Variants in ENAH observed in about 807,000 individuals in gnomAD.
ENAH encodes ENAH actin regulator.
A neutral mutation model predicts 78.7 loss-of-function variants in ENAH; 23 were observed. That is an observed-to-expected ratio of 0.29 (90% CI 0.21 to 0.41). The LOEUF is 0.41. Among genes scored for constraint, ENAH ranks in the 10% least tolerant of loss-of-function variants. The pLI, the probability that ENAH is intolerant of heterozygous loss-of-function variation, is 1.00. For missense variants in ENAH, 544 were observed against 691.0 expected (o/e 0.79, Z 2.39); for synonymous variants, 226 against 241.0 (o/e 0.94, Z 0.58).
chr1:225,653,004 C>T lies in ENAH; in HGVS notation c.-314G>A. On this transcript the variant is annotated 5_prime_UTR_variant, in exon 1 of 14. Transcript: ENST00000366843. The surrounding 1 kb of genome is among the most constrained non-coding windows in gnomAD (Gnocchi z 4.3). ...CCTCCTCCCGGAGCTTCCTCGGCCG[C>T]CCTCTGAGGGGTGCCCGCCGGGGCC... 1 of 257,676 alleles carries T rather than the reference C, an allele frequency of 3.9e-6. No individual in the cohort carries two copies. Among genetic ancestry groups the T allele is most frequent in the Non-Finnish European group, 7.3e-6 (1 of 136,258 alleles). The allele number at this position is 257,676 out of a possible 1,614,324, so 16.0% of individuals were successfully genotyped here. A position where few individuals can be genotyped will look rare whatever the true frequency, so the allele number is the denominator to read the frequency against.
chr1:225,498,215 C>T (rs563326889), intron 13 of ENAH, 132 bp downstream of exon 13: 77 of 700,524 alleles, frequency 1.1e-4, no homozygotes, highest in Admixed American at 7.2e-4. Flanking sequence ...AAACCCTAAT[C>T]CTAAAAGGGC....
intron 1 of ENAH, among the ~76,000 whole-genome samples, chr1:225,649,620 C>T (rs1000367760): frequency 6.6e-6 from 1 of 152,184 alleles, no homozygotes; most frequent in East Asian, 1.9e-4. Context: ...AACCTTTCCA[C>T]TGTCCTGTAT....
At chr1:225,622,385 A>G (rs1657143451) in intron 1 of ENAH, among the ~76,000 whole-genome samples, 1 of 152,174 alleles carries the variant, frequency 6.6e-6, no homozygotes, top group African/African-American at 2.4e-5. Context: ...CGCAGGAGTT[A>G]GAGACCAGAC....
intron 1 of ENAH, among the ~76,000 whole-genome samples, chr1:225,583,460 G>C (rs1320551962): frequency 6.8e-6 from 1 of 146,854 alleles, no homozygotes; most frequent in African/African-American, 2.5e-5. Context: ...AAAAGAGAGA[G>C]AGAATTATTC....
chr1:225,488,369 A>T lies in ENAH; in HGVS notation c.*9406T>A, dbSNP rs747730425. ...GAGGCTGAGCAACAGAAAGCTTCCA[A>T]TGAGAACTCAGAAGGCATTCACTCT... On this transcript the variant is annotated 3_prime_UTR_variant, in exon 14 of 14. Transcript: ENST00000366843. The T allele has an allele frequency of 1.9e-4, 29 of 152,148 alleles. No individual in the cohort carries two copies. The highest frequency in any genetic ancestry group is 6.3e-4 in the African/African-American group (26 of 41,420). The allele number at this position is 152,148 out of a possible 1,614,324, so 9.4% of individuals were successfully genotyped here.
rs541375451 is a variant in ENAH at position 225,648,707 on chromosome 1, T to C, written c.5+3979A>G. Among the ~76,000 whole-genome samples the C allele has an allele frequency of 5.9e-5, 9 of 151,612 alleles. No individual in the cohort carries two copies. In the South Asian group the frequency reaches 1.9e-3, roughly 32 times the overall value. On this transcript the variant is annotated intron_variant, in intron 1 of 13. Transcript: ENST00000366843. The stretch of plus-strand genomic sequence containing the variant: ...ACTACTATTTGTATCCTTTCATGGA[T>C]ATCTCACTTGACACTTCACAAAACA...
At chr1:225,505,202 GAT>G in intron 11 of ENAH, 1 of 524,206 alleles carries the variant, frequency 1.9e-6, no homozygotes, top group Non-Finnish European at 3.3e-6. Context: ...CCCAATAAAA[GAT>G]ATTTTAAGAT....
chr1:225,589,651 ATT>A (rs1238645564), intron 1 of ENAH, among the ~76,000 whole-genome samples: 2 of 152,278 alleles, frequency 1.3e-5, no homozygotes, highest in Admixed American at 6.5e-5. Context: ...TTATTGTTGC[ATT>A]GTTTTTTAAT....
At chr1:225,601,297 G>C (rs2096929372) in intron 1 of ENAH, among the ~76,000 whole-genome samples, 2 of 152,142 alleles carry the variant, frequency 1.3e-5, no homozygotes, top group African/African-American at 2.4e-5. Context: ...GAGGTGGGCG[G>C]ATCACGATGT....
chr1:225,487,299 G>A lies in ENAH; in HGVS notation c.*10476C>T, dbSNP rs916895166. 1 of 152,174 alleles carries A rather than the reference G, an allele frequency of 6.6e-6. No individual in the cohort carries two copies. The highest frequency in any genetic ancestry group is 1.5e-5 in the Non-Finnish European group (1 of 68,034). The allele number at this position is 152,174 out of a possible 1,614,324, so 9.4% of individuals were successfully genotyped here. Reference sequence around the variant, plus strand: ...TGAAACTTTGGTCCAAAAATCAGGTGCAGTCTGATCCTACCCTCCCAGCTG... The same window carrying A: ...TGAAACTTTGGTCCAAAAATCAGGTACAGTCTGATCCTACCCTCCCAGCTG... On this transcript the variant is annotated 3_prime_UTR_variant, in exon 14 of 14. Transcript: ENST00000366843.
chr1:225,534,616 A>G (rs758462024), intron 3 of ENAH, among the ~76,000 whole-genome samples: 1 of 152,120 alleles, frequency 6.6e-6, no homozygotes, highest in Admixed American at 6.6e-5. Context: ...GCAATACTGT[A>G]TATCATTTAA....
intron 1 of ENAH, among the ~76,000 whole-genome samples, chr1:225,646,493 G>C (rs1039265633): frequency 2.6e-5 from 4 of 152,108 alleles, no homozygotes; most frequent in Non-Finnish European, 5.9e-5. Context: ...CTGGCAACCT[G>C]ATCTCTGACT....
At chr1:225,574,103 T>C (rs1295147660) in intron 1 of ENAH, among the ~76,000 whole-genome samples, 3 of 152,326 alleles carry the variant, frequency 2.0e-5, no homozygotes. Context: ...ACTAAAAACT[T>C]TGGAATTTTA....
At chr1:225,532,070 G>A (rs1212858635) in intron 3 of ENAH, among the ~76,000 whole-genome samples, 2 of 151,888 alleles carry the variant, frequency 1.3e-5, no homozygotes, top group African/African-American at 2.4e-5. Context: ...AAATACACAC[G>A]TAAATGTTTG....
chr1:225,590,082 A>AACACACACACAC lies in ENAH; in HGVS notation c.6-22680_6-22669dup, dbSNP rs3050220. On this transcript the variant is annotated intron_variant, in intron 1 of 13. Coordinates refer to ENST00000366843, the MANE Select transcript of ENAH (RefSeq NM_018212.6). ...GACTAATTGCCTCCCCTCATCACTC[A>AACACACACACAC]ACACACACACACACACACACACACA... Among the ~76,000 whole-genome samples, 423 of 131,482 alleles carry AACACACACACAC rather than the reference A, an allele frequency of 3.2e-3. 1 individual carries two copies. The highest frequency in any genetic ancestry group is 4.1e-3 in the Non-Finnish European group (255 of 61,468). The allele number at this position is 131,482 out of a possible 152,430, so 86.3% of individuals were successfully genotyped here.
At chr1:225,583,050 A>G (rs1216648238) in intron 1 of ENAH, among the ~76,000 whole-genome samples, 1 of 152,202 alleles carries the variant, frequency 6.6e-6, no homozygotes, top group Admixed American at 6.5e-5. Flanking sequence ...CAATAAAACA[A>G]CATCTTTAAA....
chr1:225,512,720 A>G lies in ENAH; in HGVS notation c.1365-6T>C. On this transcript the variant is annotated splice_region_variant and splice_polypyrimidine_tract_variant and intron_variant, in intron 8 of 13. Coordinates refer to ENST00000366843, the MANE Select transcript of ENAH (RefSeq NM_018212.6). Reference sequence around the variant, plus strand: ...CCTTTTCAGCAATTCTTCTCCTACAAAGAAGGCAAATCCGATTTTTAAAAA... The same window carrying G: ...CCTTTTCAGCAATTCTTCTCCTACAGAGAAGGCAAATCCGATTTTTAAAAA... 1 of 1,613,216 alleles carries G rather than the reference A, an allele frequency of 6.2e-7. No individual in the cohort carries two copies. Among genetic ancestry groups the G allele is most frequent in the South Asian group, 1.1e-5 (1 of 90,796 alleles).
chr1:225,614,791 AAC>A (rs1414659870), intron 1 of ENAH, among the ~76,000 whole-genome samples: 1 of 152,224 alleles, frequency 6.6e-6, no homozygotes, highest in Admixed American at 6.5e-5. Flanking sequence ...AGGAACCAGG[AAC>A]AGAGACCAAA....
intron 1 of ENAH, among the ~76,000 whole-genome samples, chr1:225,621,782 C>A (rs1657015842): frequency 6.6e-6 from 1 of 152,172 alleles, no homozygotes; most frequent in Non-Finnish European, 1.5e-5. Flanking sequence ...CCATTTACCT[C>A]AGCACACAGC....
Sources: allele counts gnomAD v4.1 joint callset (sites outside exome capture counted in the v4.1 genomes callset), GRCh38; gene constraint gnomAD v4.1.1; non-coding constraint Gnocchi (gnomAD v3.1); transcripts MANE v1.5; gene names NCBI Gene and HGNC (gene_info 2026-07-23, HGNC 2026-07-21).